The following CASK variants were observed in gnomAD, a reference collection of about 807,000 sequenced individuals.
CASK encodes calcium/calmodulin dependent serine protein kinase.
CASK carries 4 observed loss-of-function variants against 82.9 expected under a neutral mutation model. The observed-to-expected ratio is 0.05, with a 90% CI of 0.02 to 0.11. CASK has a LOEUF of 0.11. Ranked by LOEUF, CASK falls within the 10% of genes least tolerant of loss-of-function variation. The pLI is 1.00. For synonymous variants in CASK, 259 were observed against 253.5 expected (o/e 1.02, Z -0.20); for missense variants, 358 against 720.9 (o/e 0.50, Z 5.76).
intron 22 of CASK, among the ~76,000 whole-genome samples, chrX:41,539,787 A>T (rs2064923455): frequency 8.9e-6 from 1 of 112,339 alleles, no homozygotes; most frequent in African/African-American, 3.2e-5. Context: ...CTTTCTAATG[A>T]ACAAAATGGA....
At chrX:41,604,366 A>C (rs2065931689) in intron 12 of CASK, among the ~76,000 whole-genome samples, 1 of 101,595 alleles carries the variant, frequency 9.8e-6, no homozygotes, top group African/African-American at 3.6e-5. Flanking sequence ...TGTCCTTCTA[A>C]GAAGGCCATG....
At chrX:41,538,545 T>A (rs772261347) in intron 22 of CASK, among the ~76,000 whole-genome samples, 18 of 111,883 alleles carry the variant, frequency 1.6e-4, no homozygotes, top group Non-Finnish European at 2.3e-4. Flanking sequence ...ACCTTCTGTA[T>A]GTTACAGAAA....
At chrX:41,610,071 T>C (rs1354569460) in intron 11 of CASK, 46 bp from the exon 12 acceptor site, 2 of 1,176,631 alleles carry the variant, frequency 1.7e-6, no homozygotes, top group Non-Finnish European at 2.3e-6. Flanking sequence ...AGAAAGTCAA[T>C]GTCAAACTAA....
At chrX:41,696,745 C>A in intron 5 of CASK, 2 of 1,194,972 alleles carry the variant, frequency 1.7e-6, no homozygotes, top group Non-Finnish European at 2.3e-6. Flanking sequence ...ACATCTGTGG[C>A]AGTGAAAATA....
chrX:41,613,167 A>G (rs1304620803), intron 11 of CASK, among the ~76,000 whole-genome samples: 18 of 111,634 alleles, frequency 1.6e-4, no homozygotes, highest in African/African-American at 5.5e-4. Context: ...CATGATGACA[A>G]TGGCGGTTTT....
chrX:41,715,432 C>T (rs1427945055), intron 5 of CASK, among the ~76,000 whole-genome samples: 2 of 110,618 alleles, frequency 1.8e-5, no homozygotes, highest in Non-Finnish European at 1.9e-5. Flanking sequence ...CCACCCTGGC[C>T]GACATGGCGA....
intron 8 of CASK, among the ~76,000 whole-genome samples, chrX:41,646,424 T>C (rs2066758785): frequency 9.0e-6 from 1 of 111,067 alleles, no homozygotes; most frequent in Non-Finnish European, 1.9e-5. Flanking sequence ...TTACTTCTTA[T>C]CAGGAGAATG....
intron 8 of CASK, among the ~76,000 whole-genome samples, chrX:41,640,828 A>G (rs941582875): frequency 2.4e-4 from 27 of 111,250 alleles, no homozygotes; most frequent in Non-Finnish European, 1.9e-5. Flanking sequence ...TTTTCTGCTC[A>G]CCATTCACTA....
At chrX:41,814,487 G>T (rs892718653) in intron 2 of CASK, among the ~76,000 whole-genome samples, 8 of 108,358 alleles carry the variant, frequency 7.4e-5, no homozygotes, top group East Asian at 2.9e-4. Flanking sequence ...GCAAACTATC[G>T]CAAGGACAAA....
intron 1 of CASK, among the ~76,000 whole-genome samples, chrX:41,870,162 G>A (rs902677343): frequency 1.8e-5 from 2 of 110,523 alleles, no homozygotes; most frequent in Non-Finnish European, 3.8e-5. Flanking sequence ...CTGAATCATG[G>A]CAGGATAAAC....
At chrX:41,783,424 G>A (rs2069520518) in intron 3 of CASK, among the ~76,000 whole-genome samples, 1 of 108,545 alleles carries the variant, frequency 9.2e-6, no homozygotes, top group African/African-American at 3.4e-5. Context: ...AATTAGCCAG[G>A]CGTGGTGACC....
intron 5 of CASK, among the ~76,000 whole-genome samples, chrX:41,711,937 T>A (rs1447837474): frequency 8.9e-6 from 1 of 112,596 alleles, no homozygotes; most frequent in Non-Finnish European, 1.9e-5. Flanking sequence ...ATTGTCAGCG[T>A]ATCCTCATTC....
intron 12 of CASK, among the ~76,000 whole-genome samples, chrX:41,605,444 A>G (rs1436446229): frequency 9.2e-6 from 1 of 109,287 alleles, no homozygotes; most frequent in Non-Finnish European, 1.9e-5. Flanking sequence ...GTCTCTTCAA[A>G]AAAAAAAAAG....
intron 2 of CASK, among the ~76,000 whole-genome samples, chrX:41,818,875 T>C (rs755265084): frequency 9.2e-6 from 1 of 108,991 alleles, no homozygotes; most frequent in South Asian, 3.9e-4. Flanking sequence ...TCAGAAAATA[T>C]CTAAAAATTA....
In CASK at chrX:41,802,601, A is replaced by G. The variant is rs181782923; in HGVS notation, c.173-15318T>C. ...TTTAAAAAGGCCCACAGTAAAGCAC[A>G]TCATTGTAAAATTTTAGGGCACTGG... On this transcript the variant is annotated intron_variant, in intron 2 of 26. Transcript: ENST00000378163. Among the ~76,000 whole-genome samples, 741 of 112,459 alleles carry G rather than the reference A, an allele frequency of 6.6e-3. 17 individuals are homozygous for G. The highest frequency in any genetic ancestry group is 0.065 in the Admixed American group (690 of 10,586).
At chrX:41,542,904 A>T in intron 21 of CASK, 98 bp from the exon 22 acceptor site, 1 of 529,162 alleles carries the variant, frequency 1.9e-6, no homozygotes, top group South Asian at 3.0e-5. Flanking sequence ...ATAAAACAGC[A>T]TAACCATACT....
At chrX:41,602,806 G>A (rs1001067603) in intron 12 of CASK, among the ~76,000 whole-genome samples, 1 of 104,262 alleles carries the variant, frequency 9.6e-6, no homozygotes, top group Non-Finnish European at 1.9e-5. Flanking sequence ...CACGACATAT[G>A]GTATTTCTAG....
intron 2 of CASK, among the ~76,000 whole-genome samples, chrX:41,829,980 C>T (rs1357593923): frequency 1.9e-5 from 2 of 104,092 alleles, no homozygotes; most frequent in African/African-American, 7.0e-5. Flanking sequence ...CATGTGGATA[C>T]ATTTTTTTTC....
rs748480719 is a variant in CASK, at chrX:41,894,786, C to G, written c.59+28144G>C. ...GGGGCAGGGATGCTGGTGCTTAGAT[C>G]GAATACCTCCCAGGTAAATAAACTG... On this transcript the variant is annotated intron_variant, in intron 1 of 26. Coordinates refer to ENST00000378163, the MANE Select transcript of CASK (RefSeq NM_001367721.1). Among the ~76,000 whole-genome samples, 12 of 110,739 alleles carry G rather than the reference C, an allele frequency of 1.1e-4. No homozygotes were observed. In the East Asian group the frequency reaches 3.1e-3, roughly 29 times the overall value.
Sources: allele counts gnomAD v4.1 joint callset (sites outside exome capture counted in the v4.1 genomes callset), GRCh38; gene constraint gnomAD v4.1.1; transcripts MANE v1.5; gene names NCBI Gene and HGNC (gene_info 2026-07-23, HGNC 2026-07-21).